RBM4B: variants seen among roughly 807,000 people sequenced by gnomAD.
RBM4B encodes the protein RNA-binding protein 4B.
Under a neutral mutation model 28.5 loss-of-function variants are expected in RBM4B, and 13 were observed. The ratio of observed to expected loss-of-function variants is 0.46; its 90% CI spans 0.30 to 0.72. The LOEUF (loss-of-function observed/expected upper bound fraction) is 0.72, where lower values mean the gene tolerates loss of function less well. Ranked by LOEUF, RBM4B falls within the 30% of genes least tolerant of loss-of-function variation. RBM4B has a pLI of 0.09. For synonymous variants in RBM4B, 167 were observed against 179.1 expected (o/e 0.93, Z 0.54); for missense variants, 387 against 477.6 (o/e 0.81, Z 1.77).
In RBM4B at chr11:66,668,750, C is replaced by A. The variant is rs569776949; in HGVS notation, c.954G>T (p.Glu318Asp). 4 of 1,614,222 alleles carry A rather than the reference C, an allele frequency of 2.5e-6. No homozygotes were observed. The East Asian group carries it at 8.9e-5, about 36-fold the overall frequency. ...RAAAMLPTVG[E>D]GYGYGPESEL... is the part of the protein sequence containing the mutation. ...CACTCTCTGGCCCATAACCGTAGCC[C>A]TCTCCAACTGTGGGGAGCATGGCTG... Residue 318 changes from glutamate (E) to aspartate (D), a missense_variant, in exon 3 of 4, where the codon GAG becomes GAT. Physicochemically the swap from Glu to Asp is conservative, Grantham distance 45 (BLOSUM62 2). Transcript: ENST00000310046.
chr11:66,674,474 G>A (rs1280625469), intron 2 of RBM4B, among the ~76,000 whole-genome samples: 3 of 151,752 alleles, frequency 2.0e-5, no homozygotes, highest in African/African-American at 2.4e-5. Flanking sequence ...TGATCCCCCC[G>A]CCTTGGCCTC....
chr11:66,675,687 T>C (rs191388170), intron 2 of RBM4B: 2 of 152,364 alleles, frequency 1.3e-5, no homozygotes, highest in Admixed American at 6.5e-5. Flanking sequence ...TCCAAGACGA[T>C]ACTGTTAACA....
rs1725704120 is a variant in RBM4B at position 66,668,829 on chromosome 11, G to A, written c.875C>T (p.Ala292Val). The change falls in exon 3 of 4, where the codon GCA becomes GTA. Residue 292 changes from alanine (A) to valine (V), a missense_variant. Physicochemically the swap from Ala to Val is moderately conservative, Grantham distance 64. Coordinates refer to ENST00000310046, the MANE Select transcript of RBM4B (RefSeq NM_031492.4). Reference protein sequence around the residue: ...AATSAAMAAAAATTSSYYGRD... With the variant: ...AATSAAMAAAVATTSSYYGRD... ...TCCATAGTAGGAGGAAGTGGTGGCTGCAGCAGCAGCCATAGCAGCTGAAGT... is the reference window on the plus strand; with the variant it reads ...TCCATAGTAGGAGGAAGTGGTGGCTACAGCAGCAGCCATAGCAGCTGAAGT... 1 of 1,614,104 alleles carries A rather than the reference G, an allele frequency of 6.2e-7. No individual in the cohort carries two copies. The highest frequency in any genetic ancestry group is 2.2e-5 in the East Asian group (1 of 44,882).
rs112218567 is a variant in RBM4B, at chr11:66,672,506, G to T, written c.413-3215C>A. On this transcript the variant is annotated intron_variant, in intron 2 of 3. Coordinates refer to ENST00000310046, the MANE Select transcript of RBM4B (RefSeq NM_031492.4). ...TTAATTTATTTTTATTAATTTTTTT[G>T]GGGGGGGGGGACAGATTCTTGCTCT... Among the ~76,000 whole-genome samples, 851 of 111,046 alleles carry T rather than the reference G, an allele frequency of 7.7e-3. 3 individuals carry two copies. The highest frequency in any genetic ancestry group is 0.014 in the East Asian group (47 of 3,474). 72.9% of individuals were successfully genotyped at this position (111,046 alleles called of 152,430 possible).
intron 3 of RBM4B, chr11:66,665,781 A>G: frequency 2.2e-6 from 3 of 1,344,954 alleles, no homozygotes; most frequent in Non-Finnish European, 3.0e-6. Flanking sequence ...ACTTATGGCT[A>G]TATATATAGG....
intron 2 of RBM4B, among the ~76,000 whole-genome samples, chr11:66,674,671 G>A (rs1201405221): frequency 6.6e-6 from 1 of 151,512 alleles, no homozygotes. Flanking sequence ...AGGTTCAAGC[G>A]ATTCTCCTGT....
At chr11:66,675,349 G>A (rs1939603703) in intron 2 of RBM4B, among the ~76,000 whole-genome samples, 1 of 152,226 alleles carries the variant, frequency 6.6e-6, no homozygotes, top group Non-Finnish European at 1.5e-5. Flanking sequence ...ATGAAGCAGA[G>A]AAATGTTAAA....
chr11:66,666,467 G>A, intron 3 of RBM4B: 7 of 986,350 alleles, frequency 7.1e-6, no homozygotes, highest in Non-Finnish European at 8.4e-6. Context: ...CCAACTCAGG[G>A]TTATTCAGTC....
intron 3 of RBM4B, chr11:66,665,876 G>GT (rs1184426082): frequency 6.5e-7 from 1 of 1,534,062 alleles, no homozygotes. Flanking sequence ...CCCTGTGACA[G>GT]AAGGCTACTG....
At position 66,665,393 on chromosome 11, in the gene RBM4B, C is replaced by T. The variant is rs1396623485; in HGVS notation, c.*195G>A. ...ATATAAGGAACAGAGTGAAAGGCTA[C>T]AGAGACTAGTTTCAGGAGGAAAGAA... On this transcript the variant is annotated 3_prime_UTR_variant, in exon 4 of 4. Coordinates refer to ENST00000310046, the MANE Select transcript of RBM4B (RefSeq NM_031492.4). The T allele has an allele frequency of 6.3e-5, 40 of 630,368 alleles. No homozygotes were observed. The highest frequency in any genetic ancestry group is 1.8e-5 in the African/African-American group (1 of 54,662). The allele number at this position is 630,368 out of a possible 1,614,324, so 39.0% of individuals were successfully genotyped here.
chr11:66,672,505 TG>T (rs544414659), intron 2 of RBM4B, among the ~76,000 whole-genome samples: 2,525 of 135,746 alleles, frequency 0.019, 66 homozygotes, highest in African/African-American at 0.055. Flanking sequence ...TTAATTTTTT[TG>T]GGGGGGGGGG....
intron 2 of RBM4B, among the ~76,000 whole-genome samples, chr11:66,672,514 G>T (rs1371706409): frequency 1.3e-5 from 2 of 150,758 alleles, no homozygotes; most frequent in South Asian, 2.1e-4. Context: ...TTGGGGGGGG[G>T]GGACAGATTC....
intron 2 of RBM4B, chr11:66,670,868 T>C (rs1939439722): frequency 1.4e-6 from 1 of 700,414 alleles, no homozygotes; most frequent in East Asian, 2.7e-5. Flanking sequence ...GGCTTCTCAT[T>C]ACTCTTAAGG....
Position 66,665,585 on chromosome 11 carries a change from G to A in RBM4B, c.*10-7C>T, listed in dbSNP as rs1161555686. On this transcript the variant is annotated splice_polypyrimidine_tract_variant and splice_region_variant and intron_variant, in intron 3 of 3. Coordinates refer to ENST00000310046, the MANE Select transcript of RBM4B (RefSeq NM_031492.4). Reference sequence around the variant, plus strand: ...CAGTCCGCAATTATCCTACCTGAAAGAGAGCACAACACAAGAGGCTTACAC... The same window carrying A: ...CAGTCCGCAATTATCCTACCTGAAAAAGAGCACAACACAAGAGGCTTACAC... 4.3e-5 allele frequency: 66 copies of A among 1,535,782 alleles called. No homozygotes were observed. The highest frequency in any genetic ancestry group is 5.3e-5 in the Non-Finnish European group (61 of 1,146,820).
At chr11:66,666,346 G>T in intron 3 of RBM4B, 1 of 1,011,368 alleles carries the variant, frequency 9.9e-7, no homozygotes, top group Non-Finnish European at 1.2e-6. Flanking sequence ...TTCAAAAGTT[G>T]TGACGTTCTT....
rs1424670433 is a variant in RBM4B at position 66,668,910 on chromosome 11, G to C, written c.794C>G (p.Ser265Cys). 21 of 1,614,116 alleles carry C rather than the reference G, an allele frequency of 1.3e-5. No homozygotes were observed. Among genetic ancestry groups the C allele is most frequent in the Non-Finnish European group, 1.8e-5 (21 of 1,180,056 alleles). Residue 265 changes from serine to cysteine, a missense_variant, in exon 3 of 4, where the codon TCT (serine) becomes TGT (cysteine). By Grantham distance (112) the Ser-to-Cys change is moderately radical (BLOSUM62 -1). Coordinates refer to ENST00000310046, the MANE Select transcript of RBM4B (RefSeq NM_031492.4). ...TCTGTCATAGGGATCAACAGAAGTA[G>C]AGTTGAGGTGGCTGGTCACAGTTGT... is the stretch of plus-strand genomic sequence containing the variant. ...QSTTVTSHLN[S>C]TSVDPYDRHL... is the part of the protein sequence containing the mutation.
Position 66,676,866 on chromosome 11 carries a change from T to G in RBM4B, c.214A>C (p.Asn72His), listed in dbSNP as rs1300243129. 1 of 1,614,072 alleles carries G rather than the reference T, an allele frequency of 6.2e-7. No homozygotes were observed. Among genetic ancestry groups the G allele is most frequent in the Non-Finnish European group, 8.5e-7 (1 of 1,180,030 alleles). The change falls in exon 2 of 4, where the codon AAT becomes CAT. Residue 72 changes from asparagine to histidine, a missense_variant. Coordinates refer to ENST00000310046, the MANE Select transcript of RBM4B (RefSeq NM_031492.4). ...GVNINVEASK[N>H]KSKASTKLHV... ...AACTTGGTTGAAGCTTTGCTCTTAT[T>G]CTTGCTGGCTTCCACGTTGATGTTC...
At chr11:66,666,073 C>G (rs558599631) in intron 3 of RBM4B, 72 of 1,024,020 alleles carry the variant, frequency 7.0e-5, no homozygotes, top group Middle Eastern at 2.2e-4. Context: ...TATCAAGGAG[C>G]AGCCAGTCAT....
intron 2 of RBM4B, chr11:66,670,807 CAAA>C (rs879056062): frequency 2.7e-3 from 1,358 of 506,998 alleles, no homozygotes; most frequent in South Asian, 3.9e-3. Flanking sequence ...GACTCCATCT[CAAA>C]AAAAAAAAAA....
Sources: allele counts gnomAD v4.1 joint callset (sites outside exome capture counted in the v4.1 genomes callset), GRCh38; gene constraint gnomAD v4.1.1; transcripts MANE v1.5; gene names NCBI Gene and HGNC (gene_info 2026-07-23, HGNC 2026-07-21).